Variants in RAD9A observed in about 807,000 individuals in gnomAD.
RAD9A encodes RAD9 checkpoint clamp component A.
RAD9A carries 25 observed loss-of-function variants against 41.2 expected under a neutral mutation model. The observed-to-expected ratio is 0.61, with a 90% CI of 0.44 to 0.85. The LOEUF (loss-of-function observed/expected upper bound fraction) is 0.85, where lower values mean the gene tolerates loss of function less well. Among genes scored for constraint, RAD9A ranks in the 40% least tolerant of loss-of-function variants. RAD9A has a pLI of 0.00. For missense variants in RAD9A, 514 were observed against 518.3 expected (o/e 0.99, Z 0.08); for synonymous variants, 252 against 210.6 (o/e 1.20, Z -1.70).
chr11:67,392,343 G>C lies in RAD9A; in HGVS notation c.105+112G>C. The stretch of plus-strand genomic sequence containing the variant: ...GACCGCTGGCAGATTTGTCGGCAAA[G>C]TTTCAGTTTCTTAGTCTGGCGGCTG... On this transcript the variant is annotated intron_variant, in intron 2 of 10. Transcript: ENST00000307980. 3.8e-6 allele frequency: 4 copies of C among 1,045,088 alleles called. No individual in the cohort carries two copies. In the South Asian group the frequency reaches 6.6e-5, roughly 17 times the overall value. 64.7% of individuals were successfully genotyped at this position (1,045,088 alleles called of 1,614,324 possible). A position where few individuals can be genotyped will look rare whatever the true frequency, so the allele number is the denominator to read the frequency against.
At position 67,393,757 on chromosome 11, in the gene RAD9A, C is replaced by G; in HGVS notation, c.416C>G (p.Ala139Gly). The change falls in exon 5 of 11, where the codon GCC becomes GGC. Residue 139 changes from alanine (A) to glycine (G), a missense_variant. Physicochemically the swap from Ala to Gly is moderately conservative, Grantham distance 60. This residue lies in a region of RAD9A where 268 missense variants were observed against 279.3 expected (regional missense o/e 0.96). Transcript: ENST00000307980. ...TCCCTGCAGGCCGTCTTCGACCCAG[C>G]CTCGTGCCCCCACATGCTCCGCGCC... The part of the protein sequence containing the change: ...CESLQAVFDP[A>G]SCPHMLRAPA... 1 of 1,611,946 alleles carries G rather than the reference C, an allele frequency of 6.2e-7. No homozygotes were observed. Among genetic ancestry groups the G allele is most frequent in the Non-Finnish European group, 8.5e-7 (1 of 1,179,416 alleles).
chr11:67,398,057 T>TAA lies in RAD9A; in HGVS notation c.*499_*500dup, dbSNP rs1351369376. ...ACTCTTTGGCGCTGACTTGGAATTC[T>TAA]AAGAGCCTTGGACCCGAGTGTGTGG... On this transcript the variant is annotated 3_prime_UTR_variant, in exon 11 of 11. Coordinates refer to ENST00000307980, the MANE Select transcript of RAD9A (RefSeq NM_004584.3). 1 of 199,320 alleles carries TAA rather than the reference T, an allele frequency of 5.0e-6. No individual in the cohort carries two copies. Among genetic ancestry groups the TAA allele is most frequent in the Non-Finnish European group, 1.0e-5 (1 of 96,962 alleles). 12.3% of individuals were successfully genotyped at this position (199,320 alleles called of 1,614,324 possible).
At chr11:67,394,703 C>T (rs1862627976) in intron 5 of RAD9A, among the ~76,000 whole-genome samples, 1 of 152,080 alleles carries the variant, frequency 6.6e-6, no homozygotes, top group Non-Finnish European at 1.5e-5. Context: ...ACAACCTCCG[C>T]CTCCCGATAA....
intron 2 of RAD9A, 31 bp downstream of exon 2, chr11:67,392,262 G>GGGGGGGGC: frequency 1.0e-5 from 6 of 600,774 alleles, no homozygotes; most frequent in Non-Finnish European, 1.8e-5. Flanking sequence ...GGGCGGGTGG[G>GGGGGGGGC]ACTCCAGCCG....
chr11:67,397,216 G>GACTCTTACA lies in RAD9A; in HGVS notation c.911_919dup (p.Tyr306_Met307insAsnSerTyr), dbSNP rs1281293110. 3.1e-6 allele frequency: 5 copies of GACTCTTACA among 1,613,720 alleles called. No homozygotes were observed. The highest frequency in any genetic ancestry group is 3.4e-6 in the Non-Finnish European group (4 of 1,179,918). ...GGACGACTTTGCCAATGACGACATTGACTCTTACATGATCGCCATGGAAAC... is the reference window on the plus strand; with the variant it reads ...GGACGACTTTGCCAATGACGACATTGACTCTTACAACTCTTACATGATCGCCATGGAAAC... On this transcript the variant is annotated inframe_insertion, in exon 10 of 11. Coordinates refer to ENST00000307980, the MANE Select transcript of RAD9A (RefSeq NM_004584.3).
intron 3 of RAD9A, 85 bp from the exon 4 acceptor site, chr11:67,393,411 G>A (rs1380797715): frequency 2.6e-6 from 4 of 1,546,452 alleles, no homozygotes; most frequent in Non-Finnish European, 2.6e-6. Context: ...TACATGCTGG[G>A]CCCATGATGG....
rs1345635472 is a variant in RAD9A at position 67,392,032 on chromosome 11, G to T, written c.-13G>T. 12 of 1,561,156 alleles carry T rather than the reference G, an allele frequency of 7.7e-6. No individual in the cohort carries two copies. Among genetic ancestry groups the T allele is most frequent in the African/African-American group, 1.4e-5 (1 of 73,702 alleles). The stretch of plus-strand genomic sequence containing the variant: ...CTGGGCAGTGTTGGCCGCTGGCGGA[G>T]CGCTGGGGCAGCATGAAGTGCCTGG... On this transcript the variant is annotated 5_prime_UTR_variant, in exon 1 of 11. Coordinates refer to ENST00000307980, the MANE Select transcript of RAD9A (RefSeq NM_004584.3).
chr11:67,393,466 T>G (rs1442800271), intron 3 of RAD9A, 30 bp from the exon 4 acceptor site: 1 of 1,611,698 alleles, frequency 6.2e-7, no homozygotes, highest in Non-Finnish European at 8.5e-7. Flanking sequence ...AGAGATGTGA[T>G]GCTAGGCTGA....
intron 8 of RAD9A, 22 bp downstream of exon 8, chr11:67,396,197 G>C: frequency 6.2e-7 from 1 of 1,613,998 alleles, no homozygotes; most frequent in Non-Finnish European, 8.5e-7. Context: ...CCTTGGGACA[G>C]GGAAGGGCTC....
At chr11:67,394,281 G>A (rs565470563) in intron 5 of RAD9A, among the ~76,000 whole-genome samples, 1 of 152,350 alleles carries the variant, frequency 6.6e-6, no homozygotes, top group South Asian at 2.1e-4. Flanking sequence ...CCAAGGCCAG[G>A]GCAGGAGGCT....
rs755481489 is a variant in RAD9A, at chr11:67,393,626, G to A, written c.349+16G>A. On this transcript the variant is annotated intron_variant, in intron 4 of 10. Coordinates refer to ENST00000307980, the MANE Select transcript of RAD9A (RefSeq NM_004584.3). ...TGCAAGTTCGGTGAGTGGGCAGCCG[G>A]CCAGCCAAGGGGTGCCTCAGCAGGG... 1.2e-6 allele frequency: 2 copies of A among 1,613,982 alleles called. No homozygotes were observed. Among genetic ancestry groups the A allele is most frequent in the East Asian group, 4.5e-5 (2 of 44,868 alleles).
Position 67,392,054 on chromosome 11 carries a change from C to T in RAD9A, c.10C>T (p.Leu4=), listed in dbSNP as rs200013892. MKC[L]VTGGNVKVLG... ...GGAGCGCTGGGGCAGCATGAAGTGC[C>T]TGGTCACGGGCGGCAACGTGAAGGG... is the stretch of plus-strand genomic sequence containing the variant. The change falls in exon 1 of 11, where the codon CTG becomes TTG. Residue 4 remains leucine, a synonymous_variant. Transcript: ENST00000307980. 3.5e-5 allele frequency: 56 copies of T among 1,579,240 alleles called. No homozygotes were observed. The African/African-American group carries it at 7.0e-4, about 20-fold the overall frequency.
At position 67,397,516 on chromosome 11, in the gene RAD9A, G is replaced by C. The variant is rs759737570; in HGVS notation, c.1133G>C (p.Gly378Ala). 2 of 1,612,038 alleles carry C rather than the reference G, an allele frequency of 1.2e-6. No individual in the cohort carries two copies. The highest frequency in any genetic ancestry group is 2.7e-5 in the African/African-American group (2 of 74,862). The change falls in exon 11 of 11, where the codon GGC becomes GCC. Residue 378 changes from glycine (G) to alanine (A), a missense_variant. By Grantham distance (60) the Gly-to-Ala change is moderately conservative. Transcript: ENST00000307980. Reference sequence around the variant, plus strand: ...CTGGCCCCTGTACGCTCCCCCCAGGGCCCCAGCCCTGTGCTGGCGGAAGAC... The same window carrying C: ...CTGGCCCCTGTACGCTCCCCCCAGGCCCCCAGCCCTGTGCTGGCGGAAGAC... Reference protein sequence around the residue: ...SILAPVRSPQGPSPVLAEDSE... With the variant: ...SILAPVRSPQAPSPVLAEDSE...
Position 67,396,414 on chromosome 11 carries a change from C to G in RAD9A, c.872+14C>G. ...CCAGGCTCACAGGTGAGGGCACCTC[C>G]CCCCAACTCCTCCTCTCTCCATGTC... is the stretch of plus-strand genomic sequence containing the variant. On this transcript the variant is annotated intron_variant, in intron 9 of 10. Transcript: ENST00000307980. 6.2e-7 allele frequency: 1 copy of G among 1,612,894 alleles called. No individual in the cohort carries two copies. Among genetic ancestry groups the G allele is most frequent in the Non-Finnish European group, 8.5e-7 (1 of 1,179,564 alleles).
intron 3 of RAD9A, 134 bp from the exon 4 acceptor site, chr11:67,393,362 C>T: frequency 6.9e-7 from 1 of 1,449,712 alleles, no homozygotes; most frequent in Non-Finnish European, 9.1e-7. Context: ...TAGAAGGATG[C>T]CAGTGCCCGA....
intron 5 of RAD9A, 125 bp from the exon 6 acceptor site, chr11:67,395,591 A>G: frequency 2.7e-6 from 2 of 728,606 alleles, no homozygotes; most frequent in Admixed American, 5.8e-5. Context: ...TCTGGGCCTC[A>G]TCCACGGTGC....
Position 67,396,356 on chromosome 11 carries a change from C to G in RAD9A, c.828C>G (p.Gly276=). 1.2e-6 allele frequency: 2 copies of G among 1,613,978 alleles called. No homozygotes were observed. Among genetic ancestry groups the G allele is most frequent in the Non-Finnish European group, 1.7e-6 (2 of 1,180,028 alleles). ...CCGACTCGCACTCCCAGGACCTGGGCTCCCCAGAGCGTCACCAGCCAGTGC... is the reference window on the plus strand; with the variant it reads ...CCGACTCGCACTCCCAGGACCTGGGGTCCCCAGAGCGTCACCAGCCAGTGC... ...SDTDSHSQDL[G]SPERHQPVPQ... is the part of the protein sequence containing the mutation. The change falls in exon 9 of 11, where the codon GGC becomes GGG. Residue 276 remains glycine (G), a synonymous_variant. Transcript: ENST00000307980.
chr11:67,397,682 C>A lies in RAD9A; in HGVS notation c.*123C>A. ...GGCTTGCTGGAGCTGAGCTGTTTCACTGCCTCTCGCAGGCCCCAGCTGGCT... is the reference window on the plus strand; with the variant it reads ...GGCTTGCTGGAGCTGAGCTGTTTCAATGCCTCTCGCAGGCCCCAGCTGGCT... On this transcript the variant is annotated 3_prime_UTR_variant, in exon 11 of 11. Transcript: ENST00000307980. 1 of 905,884 alleles carries A rather than the reference C, an allele frequency of 1.1e-6. No homozygotes were observed. The highest frequency in any genetic ancestry group is 1.6e-6 in the Non-Finnish European group (1 of 608,132). The allele number at this position is 905,884 out of a possible 1,614,324, so 56.1% of individuals were successfully genotyped here. A position where few individuals can be genotyped will look rare whatever the true frequency, so the allele number is the denominator to read the frequency against.
intron 5 of RAD9A, 74 bp downstream of exon 5, chr11:67,393,864 T>G (rs571399867): frequency 8.4e-7 from 1 of 1,196,042 alleles, no homozygotes; most frequent in East Asian, 2.6e-5. Flanking sequence ...GGGTTGATTT[T>G]AGAAGGTACC....
Sources: gnomAD v4.1 joint callset for allele counts (sites outside exome capture counted in the v4.1 genomes callset) on GRCh38, gnomAD v4.1.1 for gene constraint, gnomAD v4.1.1 regional missense constraint, MANE v1.5 for transcripts, NCBI Gene and HGNC (gene_info 2026-07-23, HGNC 2026-07-21) for gene names.